The following KIT variants were observed in gnomAD, a reference collection of about 807,000 sequenced individuals.
KIT encodes the protein KIT proto-oncogene, receptor tyrosine kinase.
KIT carries 16 observed loss-of-function variants against 105.7 expected under a neutral mutation model. The ratio of observed to expected loss-of-function variants is 0.15; its 90% CI spans 0.10 to 0.23. KIT has a LOEUF of 0.23. KIT is among the 10% of genes least tolerant of loss of function. KIT has a pLI of 1.00. For synonymous variants in KIT, 438 were observed against 441.1 expected, an observed-to-expected ratio of 0.99 and a Z score of 0.09; for missense variants, 858 against 1,213.8, an observed-to-expected ratio of 0.71 and a Z score of 4.36.
chr4:54,693,395 C>G (rs1391312270), intron 1 of KIT, among the ~76,000 whole-genome samples: 3 of 152,204 alleles, frequency 2.0e-5, no homozygotes, highest in Non-Finnish European at 4.4e-5. Context: ...CTTTCCTACA[C>G]CGTCTTGGCT....
At chr4:54,728,838 C>A (rs1187907710) in intron 13 of KIT, among the ~76,000 whole-genome samples, 1 of 152,176 alleles carries the variant, frequency 6.6e-6, no homozygotes. Flanking sequence ...AATTTTTCAA[C>A]TAGTAGCGCT....
chr4:54,695,967 T>C (rs1332559379), intron 2 of KIT, 186 bp downstream of exon 2: 5 of 665,282 alleles, frequency 7.5e-6, no homozygotes, highest in Non-Finnish European at 1.3e-5. Flanking sequence ...GCTTTGGGTA[T>C]GGCCCCAGCT....
rs72549300 is a variant in KIT at position 54,695,567 on chromosome 4, A to T, written c.123A>T (p.Pro41=). ...PGEPSPPSIH[P]GKSDLIVRVG... is the part of the protein sequence containing the mutation. ...AACCGTCTCCACCATCCATCCATCC[A>T]GGAAAATCAGACTTAATAGTCCGCG... The change falls in exon 2 of 21, where the codon CCA becomes CCT. Residue 41 remains proline (P), a synonymous_variant. Transcript: ENST00000288135. 518 of 1,614,226 alleles carry T rather than the reference A, an allele frequency of 3.2e-4. No homozygotes were observed. In the African/African-American group the frequency reaches 6.1e-3, roughly 19 times the overall value.
At chr4:54,735,565 T>G (rs1161800680) in intron 17 of KIT, among the ~76,000 whole-genome samples, 1 of 152,168 alleles carries the variant, frequency 6.6e-6, no homozygotes, top group Non-Finnish European at 1.5e-5. Flanking sequence ...CACTACTGTT[T>G]ATCAAGTACT....
intron 7 of KIT, among the ~76,000 whole-genome samples, chr4:54,717,254 AT>A: frequency 6.6e-6 from 1 of 152,306 alleles, no homozygotes; most frequent in Non-Finnish European, 1.5e-5. Context: ...TTCTGAAAAA[AT>A]TTAGCAGATG....
At chr4:54,709,991 A>G (rs936517079) in intron 7 of KIT, among the ~76,000 whole-genome samples, 5 of 152,116 alleles carry the variant, frequency 3.3e-5, no homozygotes, top group Non-Finnish European at 5.9e-5. Flanking sequence ...TTGTTCTTCC[A>G]CTGAGACAAA....
intron 1 of KIT, among the ~76,000 whole-genome samples, chr4:54,668,859 T>G (rs1717894009): frequency 6.6e-6 from 1 of 152,254 alleles, no homozygotes; most frequent in South Asian, 2.1e-4. Context: ...AAATTTTGGC[T>G]TATAAAGTAT....
chr4:54,680,708 A>G (rs1292796435), intron 1 of KIT, among the ~76,000 whole-genome samples: 1 of 151,974 alleles, frequency 6.6e-6, no homozygotes, highest in Non-Finnish European at 1.5e-5. Context: ...GTCTTCCTCA[A>G]AACTCCATTT....
chr4:54,679,635 T>C (rs1718761699), intron 1 of KIT, among the ~76,000 whole-genome samples: 4 of 152,184 alleles, frequency 2.6e-5, no homozygotes, highest in Non-Finnish European at 5.9e-5. Context: ...CCCATTATAA[T>C]GAAAATTAGC....
chr4:54,705,361 G>T (rs1031393013), intron 5 of KIT, among the ~76,000 whole-genome samples: 1 of 152,162 alleles, frequency 6.6e-6, no homozygotes, highest in Admixed American at 6.5e-5. Context: ...TTTTTTAGTG[G>T]CTGGGAGGAG....
At chr4:54,732,104 G>A (rs1398075942) in intron 16 of KIT, 106 bp downstream of exon 16, 1 of 1,240,362 alleles carries the variant, frequency 8.1e-7, no homozygotes, top group Non-Finnish European at 1.1e-6. Context: ...TAGTTAAAAT[G>A]CAGAATGTCA....
chr4:54,735,618 C>T (rs1269915393), intron 17 of KIT, among the ~76,000 whole-genome samples: 5 of 152,070 alleles, frequency 3.3e-5, no homozygotes, highest in East Asian at 1.9e-4. Flanking sequence ...CTGAGTCAGG[C>T]GGTGCTAAGC....
At chr4:54,665,459 A>G (rs1275064378) in intron 1 of KIT, among the ~76,000 whole-genome samples, 4 of 152,180 alleles carry the variant, frequency 2.6e-5, no homozygotes, top group African/African-American at 9.7e-5. Flanking sequence ...GTGAAGGGGT[A>G]GTGGACCTGG....
chr4:54,729,754 C>G (rs1722475346), intron 14 of KIT, among the ~76,000 whole-genome samples: 1 of 152,184 alleles, frequency 6.6e-6, no homozygotes, highest in African/African-American at 2.4e-5. Flanking sequence ...CATTCTATAT[C>G]TGTTTCTCTT....
At chr4:54,718,263 G>T (rs1453289063) in intron 7 of KIT, among the ~76,000 whole-genome samples, 4 of 152,078 alleles carry the variant, frequency 2.6e-5, no homozygotes, top group African/African-American at 9.7e-5. Context: ...ACCATGCCTG[G>T]CTTATTTTTG....
At chr4:54,723,511 A>G in intron 7 of KIT, 73 bp from the exon 8 acceptor site, 2 of 944,752 alleles carry the variant, frequency 2.1e-6, no homozygotes, top group Non-Finnish European at 1.7e-6. Context: ...TGTAGGGATT[A>G]GAGAGGGAGT....
At chr4:54,731,628 A>G (rs1439667836) in intron 15 of KIT, among the ~76,000 whole-genome samples, 2 of 152,056 alleles carry the variant, frequency 1.3e-5, no homozygotes, top group African/African-American at 2.4e-5. Flanking sequence ...CTTTCTATAG[A>G]TATGGGATCT....
intron 7 of KIT, among the ~76,000 whole-genome samples, chr4:54,716,387 G>A (rs768052808): frequency 2.4e-4 from 37 of 152,000 alleles, no homozygotes; most frequent in Non-Finnish European, 4.9e-4. Flanking sequence ...ATTATGTGAA[G>A]GGTAGAACAA....
At chr4:54,726,365 C>A (rs185961610) in intron 9 of KIT, among the ~76,000 whole-genome samples, 13 of 152,256 alleles carry the variant, frequency 8.5e-5, no homozygotes, top group Admixed American at 7.8e-4. Context: ...TACACCCAAA[C>A]AGAATTAGAA....
Sources: gnomAD v4.1 joint callset for allele counts (sites outside exome capture counted in the v4.1 genomes callset) on GRCh38, gnomAD v4.1.1 for gene constraint, MANE v1.5 for transcripts, NCBI Gene and HGNC (gene_info 2026-07-23, HGNC 2026-07-21) for gene names.